The following PRRC1 variants were observed in gnomAD, a reference collection of about 807,000 sequenced individuals.
The protein encoded by PRRC1 is proline rich coiled-coil 1.
Under a neutral mutation model 40.7 loss-of-function variants are expected in PRRC1, and 39 were observed. That is an observed-to-expected ratio of 0.96 (90% CI 0.74 to 1.25). PRRC1 has a LOEUF of 1.25. Among genes scored for constraint, PRRC1 ranks in the 50% most tolerant of loss-of-function variants. The pLI is 0.00. For missense variants in PRRC1, 573 were observed against 548.3 expected (o/e 1.05, Z -0.45); for synonymous variants, 175 against 193.3 (o/e 0.91, Z 0.79).
intron 8 of PRRC1, chr5:127,551,068 T>G (rs1303023844): frequency 2.6e-5 from 4 of 154,378 alleles, no homozygotes; most frequent in Non-Finnish European, 5.8e-5. Context: ...CCGTTCTAGA[T>G]GTGGCTATAC....
At chr5:127,551,641 C>T in intron 8 of PRRC1, 66 bp from the exon 9 acceptor site, 1 of 1,487,434 alleles carries the variant, frequency 6.7e-7, no homozygotes, top group Non-Finnish European at 9.3e-7. Flanking sequence ...TGAAATGTCA[C>T]TTATAGCTAG....
At chr5:127,535,018 T>A (rs1767860736) in intron 6 of PRRC1, among the ~76,000 whole-genome samples, 1 of 152,198 alleles carries the variant, frequency 6.6e-6, no homozygotes, top group Non-Finnish European at 1.5e-5. Flanking sequence ...TTTTTCAACA[T>A]AATTGTGTTC....
At chr5:127,541,059 T>A (rs12719371) in intron 7 of PRRC1, among the ~76,000 whole-genome samples, 3,910 of 152,334 alleles carry the variant, frequency 0.026, 163 homozygotes, top group African/African-American at 0.089. Context: ...CAGTACCTAA[T>A]TTATTGAAAG....
At chr5:127,518,486 A>G (rs751572416) in intron 1 of PRRC1, among the ~76,000 whole-genome samples, 1 of 152,230 alleles carries the variant, frequency 6.6e-6, no homozygotes, top group Non-Finnish European at 1.5e-5. Flanking sequence ...GAGAGACAAC[A>G]TGTGCATTTC....
chr5:127,552,136 T>C lies in PRRC1; in HGVS notation c.*220T>C. ...AGTCATACCATTTCACCTATCATAG[T>C]ACTCAAAAAAGAAAATATACAAATC... On this transcript the variant is annotated 3_prime_UTR_variant, in exon 9 of 9. Coordinates refer to ENST00000296666, the MANE Select transcript of PRRC1 (RefSeq NM_130809.5). The C allele has an allele frequency of 7.4e-6, 10 of 1,345,064 alleles. No individual in the cohort carries two copies. The highest frequency in any genetic ancestry group is 9.5e-6 in the Non-Finnish European group (10 of 1,048,502). 83.3% of individuals were successfully genotyped at this position (1,345,064 alleles called of 1,614,324 possible).
rs765369435 is a variant in PRRC1 at position 127,524,645 on chromosome 5, C to T, written c.218C>T (p.Pro73Leu). Residue 73 changes from proline (P) to leucine (L), a missense_variant, in exon 3 of 9, where the codon CCT becomes CTT. Transcript: ENST00000296666. ...LPPVRPSAPLPFVPPPAVPSV... is the reference protein window; with the variant it reads ...LPPVRPSAPLLFVPPPAVPSV... ...CCTGTGAGGCCTTCAGCACCATTACCTTTTGTGCCTCCTCCTGCAGTTCCT... is the reference window on the plus strand; with the variant it reads ...CCTGTGAGGCCTTCAGCACCATTACTTTTTGTGCCTCCTCCTGCAGTTCCT... 2.5e-6 allele frequency: 4 copies of T among 1,614,146 alleles called. No individual in the cohort carries two copies. Among genetic ancestry groups the T allele is most frequent in the Non-Finnish European group, 3.4e-6 (4 of 1,180,032 alleles).
In PRRC1 at chr5:127,553,831, G is replaced by A; in HGVS notation, c.*1915G>A. On this transcript the variant is annotated 3_prime_UTR_variant, in exon 9 of 9. Coordinates refer to ENST00000296666, the MANE Select transcript of PRRC1 (RefSeq NM_130809.5). ...TTCCTAGAATCCCCAAAGAGCAGTGGCAGTCCATGGCTTGGTTGAAGCTAG... is the reference window on the plus strand; with the variant it reads ...TTCCTAGAATCCCCAAAGAGCAGTGACAGTCCATGGCTTGGTTGAAGCTAG... 1 of 1,535,704 alleles carries A rather than the reference G, an allele frequency of 6.5e-7. No individual in the cohort carries two copies. The highest frequency in any genetic ancestry group is 8.7e-7 in the Non-Finnish European group (1 of 1,146,650).
Position 127,552,141 on chromosome 5 carries a change from A to T in PRRC1, c.*225A>T. 1 of 1,331,124 alleles carries T rather than the reference A, an allele frequency of 7.5e-7. No homozygotes were observed. The highest frequency in any genetic ancestry group is 9.6e-7 in the Non-Finnish European group (1 of 1,040,418). The allele number at this position is 1,331,124 out of a possible 1,614,324, so 82.5% of individuals were successfully genotyped here. ...TACCATTTCACCTATCATAGTACTCAAAAAAGAAAATATACAAATCTATTT... is the reference window on the plus strand; with the variant it reads ...TACCATTTCACCTATCATAGTACTCTAAAAAGAAAATATACAAATCTATTT... On this transcript the variant is annotated 3_prime_UTR_variant, in exon 9 of 9. Transcript: ENST00000296666.
intron 2 of PRRC1, 81 bp downstream of exon 2, chr5:127,523,663 A>G (rs1580928659): frequency 1.4e-6 from 1 of 733,112 alleles, no homozygotes; most frequent in Non-Finnish European, 2.1e-6. Context: ...AATTAAGAAA[A>G]GAATGCATAT....
intron 1 of PRRC1, among the ~76,000 whole-genome samples, chr5:127,521,771 A>G (rs888459108): frequency 6.6e-6 from 1 of 152,084 alleles, no homozygotes; most frequent in African/African-American, 2.4e-5. Context: ...TATTGAATGT[A>G]TCTTGTTCTT....
At chr5:127,522,706 GTT>G (rs1767491351) in intron 1 of PRRC1, among the ~76,000 whole-genome samples, 2 of 151,378 alleles carry the variant, frequency 1.3e-5, no homozygotes, top group Non-Finnish European at 1.5e-5. Context: ...TTTTTTTTAT[GTT>G]AATGGGGTTA....
intron 7 of PRRC1, among the ~76,000 whole-genome samples, chr5:127,541,580 A>G (rs527301211): frequency 2.5e-3 from 375 of 152,096 alleles, no homozygotes; most frequent in African/African-American, 8.6e-3. Context: ...CAGAGATTCA[A>G]CTTCTTCCTG....
At chr5:127,545,351 G>A (rs112094625) in intron 7 of PRRC1, among the ~76,000 whole-genome samples, 3,881 of 151,876 alleles carry the variant, frequency 0.026, 158 homozygotes, top group African/African-American at 0.089. Flanking sequence ...TGTTTATTGC[G>A]GCACTATTCC....
intron 6 of PRRC1, among the ~76,000 whole-genome samples, chr5:127,534,800 C>T (rs1007837411): frequency 7.2e-5 from 11 of 152,184 alleles, no homozygotes; most frequent in African/African-American, 2.7e-4. Context: ...GCCTTTTTGA[C>T]AAGTTTACTT....
At chr5:127,520,801 A>G (rs1285588294) in intron 1 of PRRC1, among the ~76,000 whole-genome samples, 1 of 152,232 alleles carries the variant, frequency 6.6e-6, no homozygotes, top group Non-Finnish European at 1.5e-5. Flanking sequence ...CAGTAAATGT[A>G]AAAACATGTG....
chr5:127,525,340 A>G (rs1227572400), intron 3 of PRRC1, among the ~76,000 whole-genome samples: 1 of 152,186 alleles, frequency 6.6e-6, no homozygotes, highest in African/African-American at 2.4e-5. Context: ...ATGTTGTAGC[A>G]TTTGTCAGTA....
chr5:127,530,449 C>A, intron 5 of PRRC1, 53 bp downstream of exon 5: 5 of 1,075,486 alleles, frequency 4.6e-6, no homozygotes, highest in Admixed American at 4.0e-5. Flanking sequence ...AGGGTATGTC[C>A]ACATCAGCCA....
intron 8 of PRRC1, 22 bp from the exon 9 acceptor site, chr5:127,551,685 T>G: frequency 1.2e-6 from 2 of 1,610,094 alleles, no homozygotes; most frequent in Non-Finnish European, 1.7e-6. Context: ...TTATAAGTAA[T>G]ATCAATTTCA....
intron 5 of PRRC1, among the ~76,000 whole-genome samples, chr5:127,531,617 C>CTTCTT (rs1268819647): frequency 4.0e-5 from 4 of 99,646 alleles, no homozygotes; most frequent in African/African-American, 1.9e-4. Context: ...TCTTCTTCTT[C>CTTCTT]TTTTTTTTTT....
Sources: allele counts gnomAD v4.1 joint callset (sites outside exome capture counted in the v4.1 genomes callset), GRCh38; gene constraint gnomAD v4.1.1; transcripts MANE v1.5; gene names NCBI Gene and HGNC (gene_info 2026-07-23, HGNC 2026-07-21).